PRELID2: variants seen among roughly 807,000 people sequenced by gnomAD.
PRELID2 encodes PRELI domain containing 2, also known as PRELI domain-containing protein 2.
Under a neutral mutation model 28.4 loss-of-function variants are expected in PRELID2, and 25 were observed. The ratio of observed to expected loss-of-function variants is 0.88; its 90% CI spans 0.64 to 1.23. The LOEUF is 1.23. PRELID2 is among the 50% of genes most tolerant of loss of function. The pLI is 0.00. For missense variants in PRELID2, 201 were observed against 214.4 expected (o/e 0.94, Z 0.39); for synonymous variants, 76 against 71.6 (o/e 1.06, Z -0.31).
At chr5:145,730,025 T>C (rs945737445) in intron 1 of PRELID2, among the ~76,000 whole-genome samples, 1 of 152,106 alleles carries the variant, frequency 6.6e-6, no homozygotes, top group African/African-American at 2.4e-5. Context: ...ACACAATCAA[T>C]CTAGGAGCCT....
chr5:145,298,567 A>T, the PRELID2 span, among the ~76,000 whole-genome samples: 13 of 152,270 alleles, frequency 8.5e-5, no homozygotes, highest in Middle Eastern at 3.4e-3. Context: ...AGGTGGGATT[A>T]CTGCCATCAT....
the PRELID2 span, among the ~76,000 whole-genome samples, chr5:145,317,236 C>T: frequency 2.0e-5 from 3 of 152,186 alleles, no homozygotes; most frequent in African/African-American, 7.2e-5. Context: ...GCAACATTTA[C>T]TAAGAACCAC....
chr5:145,652,463 T>C (rs1349888733), intron 1 of PRELID2, among the ~76,000 whole-genome samples: 2 of 152,064 alleles, frequency 1.3e-5, no homozygotes, highest in East Asian at 3.9e-4. Context: ...TTCACCAAAG[T>C]TGCAATGAAG....
At chr5:145,687,702 G>T (rs140262406) in intron 1 of PRELID2, among the ~76,000 whole-genome samples, 10 of 152,214 alleles carry the variant, frequency 6.6e-5, no homozygotes, top group African/African-American at 2.4e-4. Context: ...GATGCTCAAT[G>T]ATTTTTTTAA....
At chr5:145,645,338 CTTTTTTTTTTTT>C (rs35732947) in intron 1 of PRELID2, among the ~76,000 whole-genome samples, 1 of 47,860 alleles carries the variant, frequency 2.1e-5, no homozygotes, top group South Asian at 6.6e-4. Flanking sequence ...GCAACTCCTG[CTTTTTTTTTTTT>C]TTTTTTTTTT....
chr5:145,337,262 A>G, the PRELID2 span, among the ~76,000 whole-genome samples: 1 of 152,058 alleles, frequency 6.6e-6, no homozygotes, highest in Admixed American at 6.6e-5. Flanking sequence ...AGAAAAGATC[A>G]TCAAAACTGA....
intron 1 of PRELID2, among the ~76,000 whole-genome samples, chr5:145,659,432 C>T (rs1196034880): frequency 1.3e-5 from 2 of 152,220 alleles, no homozygotes; most frequent in African/African-American, 4.8e-5. Context: ...AAAACTATCA[C>T]AGTGCTTTAC....
chr5:145,499,929 C>T (rs779440166), intron 1 of PRELID2, among the ~76,000 whole-genome samples: 1 of 152,210 alleles, frequency 6.6e-6, no homozygotes, highest in Non-Finnish European at 1.5e-5. Flanking sequence ...CGCACACCTA[C>T]CTGTAAACCC....
chr5:145,588,727 C>A (rs776969292), intron 1 of PRELID2, among the ~76,000 whole-genome samples: 12 of 152,014 alleles, frequency 7.9e-5, no homozygotes, highest in Non-Finnish European at 1.6e-4. Context: ...CAATCTGAGA[C>A]GCCTGGATTC....
intron 5 of PRELID2, among the ~76,000 whole-genome samples, chr5:145,777,943 C>G: frequency 6.6e-6 from 1 of 152,188 alleles, no homozygotes; most frequent in East Asian, 1.9e-4. Flanking sequence ...ATCTGGACAC[C>G]ATGAATGGCA....
the PRELID2 span, among the ~76,000 whole-genome samples, chr5:145,367,485 T>C: frequency 6.6e-6 from 1 of 151,926 alleles, no homozygotes; most frequent in Non-Finnish European, 1.5e-5. Flanking sequence ...ACAGTTGACA[T>C]TAGGATTCAT....
the PRELID2 span, among the ~76,000 whole-genome samples, chr5:145,299,541 G>T: frequency 1.3e-5 from 2 of 151,808 alleles, no homozygotes; most frequent in South Asian, 4.2e-4. Flanking sequence ...ATGTTTCTCT[G>T]CACTGTGTAT....
downstream of PRELID2, among the ~76,000 whole-genome samples, chr5:145,470,377 C>G (rs141296143): frequency 2.2e-4 from 33 of 152,198 alleles, no homozygotes; most frequent in African/African-American, 7.5e-4. Context: ...TACATTGCAC[C>G]CATCGACAAA....
intron 1 of PRELID2, among the ~76,000 whole-genome samples, chr5:145,592,138 C>T (rs1353134246): frequency 6.6e-6 from 1 of 152,146 alleles, no homozygotes; most frequent in East Asian, 1.9e-4. Context: ...TTAAATCAGC[C>T]AGGCACGGTG....
At chr5:145,542,272 G>A (rs1215985345) in intron 1 of PRELID2, among the ~76,000 whole-genome samples, 2 of 152,112 alleles carry the variant, frequency 1.3e-5, no homozygotes, top group African/African-American at 4.8e-5. Context: ...TAATGGGCTG[G>A]TATTAAATGC....
intron 1 of PRELID2, among the ~76,000 whole-genome samples, chr5:145,650,749 G>A (rs138184467): frequency 1.3e-3 from 198 of 151,898 alleles, no homozygotes; most frequent in African/African-American, 4.7e-3. Flanking sequence ...CTTATTTTCT[G>A]TGATACCTCA....
intron 1 of PRELID2, among the ~76,000 whole-genome samples, chr5:145,507,841 T>C (rs575032497): frequency 3.3e-5 from 5 of 152,302 alleles, no homozygotes; most frequent in African/African-American, 1.2e-4. Context: ...TTTCTGAGCA[T>C]TCTCCTTCCT....
chr5:145,528,504 A>G (rs981188086), intron 1 of PRELID2, among the ~76,000 whole-genome samples: 6 of 151,924 alleles, frequency 3.9e-5, no homozygotes, highest in Admixed American at 1.3e-4. Flanking sequence ...GAGAGAGCAC[A>G]TACATGCAAA....
At chr5:145,468,712 T>C (rs1752025713), downstream of PRELID2, among the ~76,000 whole-genome samples, 1 of 152,206 alleles carries the variant, frequency 6.6e-6, no homozygotes, top group Non-Finnish European at 1.5e-5. Flanking sequence ...TGCATAAATA[T>C]CTTCTTTTGA....
Sources: gnomAD v4.1 joint callset for allele counts (sites outside exome capture counted in the v4.1 genomes callset) on GRCh38, gnomAD v4.1.1 for gene constraint, MANE v1.5 for transcripts, NCBI Gene and HGNC (gene_info 2026-07-23, HGNC 2026-07-21) for gene names.